The following CPA4 variants were observed in gnomAD, a reference collection of about 807,000 sequenced individuals.
CPA4 encodes the protein carboxypeptidase A3.
A neutral mutation model predicts 54.7 loss-of-function variants in CPA4; 49 were observed. That is an observed-to-expected ratio of 0.90 (90% CI 0.71 to 1.14). The LOEUF is 1.14. Among genes scored for constraint, CPA4 ranks in the 50% most tolerant of loss-of-function variants. The probability of loss-of-function intolerance (pLI) is 0.00; values close to 1 mark genes in which losing one functional copy is unlikely to be tolerated. For missense variants in CPA4, 487 were observed against 525.1 expected, an observed-to-expected ratio of 0.93 and a Z score of 0.71; for synonymous variants, 215 against 206.8, an observed-to-expected ratio of 1.04 and a Z score of -0.34.
chr7:130,296,161 C>G (rs1584743577), intron 1 of CPA4, among the ~76,000 whole-genome samples: 1 of 152,118 alleles, frequency 6.6e-6, no homozygotes, highest in African/African-American at 2.4e-5. Flanking sequence ...GGATTGCAGG[C>G]AGTGGGAACA....
At chr7:130,322,217 T>C (rs1794118557) in intron 10 of CPA4, among the ~76,000 whole-genome samples, 1 of 151,968 alleles carries the variant, frequency 6.6e-6, no homozygotes, top group Non-Finnish European at 1.5e-5. Context: ...TAGAGATTGG[T>C]TTTGAGGGAC....
At chr7:130,316,383 T>G (rs1793987125) in intron 10 of CPA4, among the ~76,000 whole-genome samples, 1 of 152,208 alleles carries the variant, frequency 6.6e-6, no homozygotes, top group Non-Finnish European at 1.5e-5. Context: ...GTTAGGGCTC[T>G]TAGGGCAACT....
Position 130,295,570 on chromosome 7 carries a change from C to T in CPA4, c.68+2322C>T, listed in dbSNP as rs111674836. Among the ~76,000 whole-genome samples the T allele has an allele frequency of 9.8e-3, 1,499 of 152,240 alleles. 22 individuals carry two copies. The highest frequency in any genetic ancestry group is 0.035 in the African/African-American group (1,438 of 41,538). ...CACCATCTTGAGCCTCATGAACTGA[C>T]GAGGGCATTTTTCAAATACAGACAA... On this transcript the variant is annotated intron_variant, in intron 1 of 10. Coordinates refer to ENST00000222482, the MANE Select transcript of CPA4 (RefSeq NM_016352.4).
intron 10 of CPA4, among the ~76,000 whole-genome samples, chr7:130,316,483 T>C (rs1793988594): frequency 6.6e-6 from 1 of 152,142 alleles, no homozygotes; most frequent in Non-Finnish European, 1.5e-5. Context: ...CATTATGATA[T>C]CCCTTAAAGA....
At chr7:130,311,997 A>G in intron 9 of CPA4, 41 bp from the exon 10 acceptor site, 1 of 1,457,764 alleles carries the variant, frequency 6.9e-7, no homozygotes, top group South Asian at 1.1e-5. Context: ...GTCAAGCTTC[A>G]GGATCGATTT....
At chr7:130,319,858 G>A (rs1794058981) in intron 10 of CPA4, among the ~76,000 whole-genome samples, 1 of 152,164 alleles carries the variant, frequency 6.6e-6, no homozygotes, top group Non-Finnish European at 1.5e-5. Flanking sequence ...AGACCTCTAG[G>A]GAGGGTGTTT....
intron 10 of CPA4, among the ~76,000 whole-genome samples, chr7:130,317,554 C>G (rs1316081257): frequency 6.6e-6 from 1 of 152,206 alleles, no homozygotes; most frequent in East Asian, 1.9e-4. Flanking sequence ...CCTCGACTTC[C>G]CCAAACTCAG....
At chr7:130,311,080 A>G in intron 9 of CPA4, 94 bp downstream of exon 9, 2 of 959,052 alleles carry the variant, frequency 2.1e-6, no homozygotes, top group South Asian at 2.7e-5. Context: ...GGGAGGGTCC[A>G]GGAGCCTAGG....
At chr7:130,320,941 T>C (rs1309850492) in intron 10 of CPA4, among the ~76,000 whole-genome samples, 2 of 152,226 alleles carry the variant, frequency 1.3e-5, no homozygotes, top group Non-Finnish European at 2.9e-5. Context: ...ATTCACACCT[T>C]TAATCCCAGC....
At chr7:130,319,865 G>A (rs1292169234) in intron 10 of CPA4, among the ~76,000 whole-genome samples, 2 of 152,186 alleles carry the variant, frequency 1.3e-5, no homozygotes. Context: ...TAGGGAGGGT[G>A]TTTAAGACAA....
At chr7:130,308,504 T>C in intron 8 of CPA4, 107 bp downstream of exon 8, 2 of 829,252 alleles carry the variant, frequency 2.4e-6, no homozygotes, top group Admixed American at 2.0e-5. Context: ...TTGGTTCCGT[T>C]GCTGCGTCAC....
Position 130,308,312 on chromosome 7 carries a change from A to G in CPA4, c.708A>G (p.Arg236=). The change falls in exon 8 of 11, where the codon CGA becomes CGG. Residue 236 remains arginine (R), a synonymous_variant. Transcript: ENST00000222482. The part of the protein sequence containing the change: ...DGYVYTQTQN[R]LWRKTRSRNP... ...CTCCTTGGTGGCTTTTTCAGAACCGATTATGGAGGAAGACGCGGTCCCGAA... is the reference window on the plus strand; with the variant it reads ...CTCCTTGGTGGCTTTTTCAGAACCGGTTATGGAGGAAGACGCGGTCCCGAA... The G allele has an allele frequency of 6.2e-7, 1 of 1,613,942 alleles. No homozygotes were observed. Among genetic ancestry groups the G allele is most frequent in the Non-Finnish European group, 8.5e-7 (1 of 1,179,944 alleles).
intron 7 of CPA4, among the ~76,000 whole-genome samples, chr7:130,307,753 A>C (rs1793847492): frequency 1.3e-5 from 2 of 152,138 alleles, no homozygotes; most frequent in Admixed American, 1.3e-4. Flanking sequence ...CAGCTCCCAC[A>C]CACACCTTTT....
chr7:130,323,224 T>G lies in CPA4; in HGVS notation c.*548T>G, dbSNP rs1794149198. On this transcript the variant is annotated 3_prime_UTR_variant, in exon 11 of 11. Coordinates refer to ENST00000222482, the MANE Select transcript of CPA4 (RefSeq NM_016352.4). ...AGGTCTCTCCCTCCCTCCTCTCCTG[T>G]TTTTTTTTTTTTGAGACAGAGTTTT... The G allele has an allele frequency of 1.9e-5, 2 of 107,052 alleles. No individual in the cohort carries two copies. Among genetic ancestry groups the G allele is most frequent in the Admixed American group, 1.8e-4 (2 of 10,904 alleles). 6.6% of individuals were successfully genotyped at this position (107,052 alleles called of 1,614,324 possible). A position where few individuals can be genotyped will look rare whatever the true frequency, so the allele number is the denominator to read the frequency against.
In CPA4 at chr7:130,322,991, T is replaced by C. The variant is rs1794142666; in HGVS notation, c.*315T>C. On this transcript the variant is annotated 3_prime_UTR_variant, in exon 11 of 11. Transcript: ENST00000222482. ...CCTGGGTGGCATGTCTCTCTCTACC[T>C]CATTTTTAGAACCAAAGAACATCTG... 3.8e-6 allele frequency: 1 copy of C among 263,116 alleles called. No individual in the cohort carries two copies. Among genetic ancestry groups the C allele is most frequent in the East Asian group, 7.3e-5 (1 of 13,718 alleles). The allele number at this position is 263,116 out of a possible 1,614,324, so 16.3% of individuals were successfully genotyped here. A position where few individuals can be genotyped will look rare whatever the true frequency, so the allele number is the denominator to read the frequency against.
intron 1 of CPA4, among the ~76,000 whole-genome samples, chr7:130,294,939 C>T (rs1037533468): frequency 2.0e-5 from 3 of 152,120 alleles, no homozygotes; most frequent in African/African-American, 7.2e-5. Flanking sequence ...TTTCTCCCCA[C>T]CACCCACCAC....
chr7:130,301,374 G>A (rs925805666), intron 4 of CPA4, among the ~76,000 whole-genome samples: 10 of 152,104 alleles, frequency 6.6e-5, no homozygotes, highest in Admixed American at 5.9e-4. Context: ...GCATTTTGGT[G>A]CTGTGTTTAG....
chr7:130,320,952 A>G (rs772456645), intron 10 of CPA4, among the ~76,000 whole-genome samples: 3 of 152,210 alleles, frequency 2.0e-5, no homozygotes, highest in Non-Finnish European at 2.9e-5. Flanking sequence ...TAATCCCAGC[A>G]CCTTGGGAGG....
At position 130,310,344 on chromosome 7, in the gene CPA4, T is replaced by C. The variant is rs1401117652; in HGVS notation, c.794-443T>C. ...AGAAGGCAGTGTTTCTAAATACCTGTCAAATAATCAAGAGATTTTAGCCAC... is the reference window on the plus strand; with the variant it reads ...AGAAGGCAGTGTTTCTAAATACCTGCCAAATAATCAAGAGATTTTAGCCAC... On this transcript the variant is annotated intron_variant, in intron 8 of 10. Coordinates refer to ENST00000222482, the MANE Select transcript of CPA4 (RefSeq NM_016352.4). The surrounding 1 kb of genome is among the most constrained non-coding windows in gnomAD (Gnocchi z 4.3). Among the ~76,000 whole-genome samples, 3 of 152,218 alleles carry C rather than the reference T, an allele frequency of 2.0e-5. No homozygotes were observed. The highest frequency in any genetic ancestry group is 6.5e-5 in the Admixed American group (1 of 15,282).
Sources: allele counts gnomAD v4.1 joint callset (sites outside exome capture counted in the v4.1 genomes callset), GRCh38; gene constraint gnomAD v4.1.1; non-coding constraint Gnocchi (gnomAD v3.1); transcripts MANE v1.5; gene names NCBI Gene and HGNC (gene_info 2026-07-23, HGNC 2026-07-21).